The following CCND3 variants were observed in gnomAD, a reference collection of about 807,000 sequenced individuals.
CCND3 encodes the protein G1/S-specific cyclin-D3.
CCND3 carries 9 observed loss-of-function variants against 28.7 expected under a neutral mutation model. That is an observed-to-expected ratio of 0.31 (90% CI 0.19 to 0.55). The LOEUF (loss-of-function observed/expected upper bound fraction) is 0.55. Ranked by LOEUF, CCND3 falls within the 20% of genes least tolerant of loss-of-function variation. The probability of loss-of-function intolerance (pLI) is 0.93; values close to 1 mark genes in which losing one functional copy is unlikely to be tolerated. For missense variants in CCND3, 315 were observed against 385.8 expected, an observed-to-expected ratio of 0.82 and a Z score of 1.54; for synonymous variants, 164 against 163.9, an observed-to-expected ratio of 1.00 and a Z score of 0.00.
chr6:41,956,446 T>C (rs577967401), intron 1 of CCND3, among the ~76,000 whole-genome samples: 1 of 152,170 alleles, frequency 6.6e-6, no homozygotes, highest in Non-Finnish European at 1.5e-5. Flanking sequence ...GCCAGAACTT[T>C]CCTAGTACTA....
At chr6:42,014,477 C>T (rs1763441695) in intron 1 of CCND3, among the ~76,000 whole-genome samples, 2 of 152,186 alleles carry the variant, frequency 1.3e-5, no homozygotes, top group African/African-American at 4.8e-5. Flanking sequence ...ATCAGTAAAA[C>T]AAAACAAAAT....
chr6:41,936,150 T>C lies in CCND3; in HGVS notation c.712-43A>G. ...GAGTGAGGAGCAAACACTCCCCCCATAGCATCTGGCAGCAGGTGCAGGGGA... is the reference window on the plus strand; with the variant it reads ...GAGTGAGGAGCAAACACTCCCCCCACAGCATCTGGCAGCAGGTGCAGGGGA... On this transcript the variant is annotated intron_variant, in intron 4 of 4. Coordinates refer to ENST00000372991, the MANE Select transcript of CCND3 (RefSeq NM_001760.5). The surrounding 1 kb of genome is among the most constrained non-coding windows in gnomAD (Gnocchi z 4.4). The C allele has an allele frequency of 2.6e-6, 4 of 1,527,054 alleles. No homozygotes were observed. The highest frequency in any genetic ancestry group is 3.5e-6 in the Non-Finnish European group (4 of 1,136,416). The allele number at this position is 1,527,054 out of a possible 1,614,324, so 94.6% of individuals were successfully genotyped here.
chr6:41,993,327 T>G (rs1273720090), intron 1 of CCND3, among the ~76,000 whole-genome samples: 1 of 152,146 alleles, frequency 6.6e-6, no homozygotes, highest in African/African-American at 2.4e-5. Flanking sequence ...GATACCTCAT[T>G]GTGGTTTTAC....
chr6:41,946,974 C>G (rs1776186976), intron 1 of CCND3, among the ~76,000 whole-genome samples: 1 of 151,976 alleles, frequency 6.6e-6, no homozygotes, highest in Admixed American at 6.6e-5. Context: ...AATCCCAGCA[C>G]TTTGGGAGGC....
chr6:41,945,751 CCT>C (rs1354236096), upstream of CCND3, among the ~76,000 whole-genome samples: 1 of 152,300 alleles, frequency 6.6e-6, no homozygotes, highest in African/African-American at 2.4e-5. Context: ...ATTACTGGAA[CCT>C]CTCTGCTTCC....
At chr6:42,034,600 C>T (rs1764148102) in intron 1 of CCND3, among the ~76,000 whole-genome samples, 1 of 150,406 alleles carries the variant, frequency 6.6e-6, no homozygotes. Context: ...GCCTCAGCCT[C>T]CCGAGTAGCT....
chr6:41,986,721 T>G (rs541080732), intron 1 of CCND3, among the ~76,000 whole-genome samples: 1 of 152,178 alleles, frequency 6.6e-6, no homozygotes, highest in African/African-American at 2.4e-5. Flanking sequence ...GCAGAGACAA[T>G]GTTACTTCTT....
intron 1 of CCND3, among the ~76,000 whole-genome samples, chr6:42,037,908 G>A (rs1250796901): frequency 2.6e-5 from 4 of 151,676 alleles, no homozygotes; most frequent in East Asian, 3.9e-4. Flanking sequence ...GCACATGCCT[G>A]TAATCCCAGC....
chr6:41,950,241 A>G (rs531577706), intron 1 of CCND3, among the ~76,000 whole-genome samples: 1 of 152,178 alleles, frequency 6.6e-6, no homozygotes, highest in African/African-American at 2.4e-5. Flanking sequence ...AGGTGCACAC[A>G]GGGCCTCAGG....
At chr6:41,977,539 G>C (rs529070827) in intron 1 of CCND3, among the ~76,000 whole-genome samples, 1 of 152,170 alleles carries the variant, frequency 6.6e-6, no homozygotes, top group South Asian at 2.1e-4. Context: ...GCTAATTTTT[G>C]TATTTTTAGT....
At chr6:42,043,504 C>T (rs112099977) in intron 1 of CCND3, among the ~76,000 whole-genome samples, 10 of 152,158 alleles carry the variant, frequency 6.6e-5, no homozygotes, top group Admixed American at 3.9e-4. Flanking sequence ...GCACTCCAGC[C>T]GGGGCGACAG....
rs1036202670 is a variant in CCND3 at position 42,044,772 on chromosome 6, T to C, written c.-46+3729A>G. Among the ~76,000 whole-genome samples, 42 of 149,480 alleles carry C rather than the reference T, an allele frequency of 2.8e-4. No homozygotes were observed. In the East Asian group the frequency reaches 4.5e-3, roughly 16 times the overall value. ...TAACTTGGCTATCTTTTCTTTCTTT[T>C]CTTTCTTTCCTTTTATTTATTTATT... On this transcript the variant is annotated intron_variant, in intron 1 of 4. Coordinates refer to the CCND3 transcript ENST00000372988.
chr6:41,957,998 A>ATATT (rs751569360), intron 1 of CCND3, among the ~76,000 whole-genome samples: 2 of 26,234 alleles, frequency 7.6e-5, no homozygotes, highest in African/African-American at 9.8e-5. Context: ...CTTTATCTTT[A>ATATT]TCTTTTTTTT....
At position 41,987,669 on chromosome 6, in the gene CCND3, A is replaced by AT. The variant is rs200686799; in HGVS notation, c.-45-47085dup. On this transcript the variant is annotated intron_variant, in intron 1 of 4. Coordinates refer to the CCND3 transcript ENST00000372988. ...AGGTGTGTACCACCATACTCAGCTA[A>AT]TTTTTTTTTTTTAATAGAGAGGGGG... 6.9e-3 allele frequency among the ~76,000 whole-genome samples: 985 copies of AT among 143,430 alleles called. 14 individuals carry two copies. Among genetic ancestry groups the AT allele is most frequent in the Admixed American group, 0.03 (422 of 14,122 alleles). 94.1% of individuals were successfully genotyped at this position (143,430 alleles called of 152,430 possible).
intron 1 of CCND3, among the ~76,000 whole-genome samples, chr6:41,948,326 G>C (rs566762920): frequency 1.5e-5 from 2 of 137,172 alleles, no homozygotes; most frequent in Non-Finnish European, 3.1e-5. Flanking sequence ...TGTTCAGTAA[G>C]TTTTTTGTTT....
chr6:41,977,592 A>C (rs4591844), intron 1 of CCND3, among the ~76,000 whole-genome samples: 151,310 of 152,216 alleles, frequency 0.99, 75,213 homozygotes, highest in Middle Eastern at 1. Context: ...GTCTCAAACT[A>C]CTGACCTCAG....
Position 41,941,177 on chromosome 6 carries a change from G to C in CCND3, c.198+275C>G, listed in dbSNP as rs1398559591. The C allele has an allele frequency of 9.0e-6, 13 of 1,448,746 alleles. No individual in the cohort carries two copies. In the Admixed American group the frequency reaches 3.6e-4, roughly 41 times the overall value. 89.7% of individuals were successfully genotyped at this position (1,448,746 alleles called of 1,614,324 possible). A position where few individuals can be genotyped will look rare whatever the true frequency, so the allele number is the denominator to read the frequency against. On this transcript the variant is annotated intron_variant, in intron 1 of 4. Transcript: ENST00000372991. The surrounding 1 kb of genome is among the most constrained non-coding windows in gnomAD (Gnocchi z 6.1). ...GCGGGAGACGCTGTGAGAAGCCGAA[G>C]GGGAGAGAGTGTCCTTGGTCCCGTT...
At chr6:41,961,125 G>A (rs1761704275) in intron 1 of CCND3, among the ~76,000 whole-genome samples, 1 of 152,234 alleles carries the variant, frequency 6.6e-6, no homozygotes, top group African/African-American at 2.4e-5. Flanking sequence ...TCCATGAGAT[G>A]TGGGGACATC....
chr6:42,035,699 C>G (rs1211336246), intron 1 of CCND3, among the ~76,000 whole-genome samples: 1 of 128,738 alleles, frequency 7.8e-6, no homozygotes, highest in African/African-American at 2.9e-5. Flanking sequence ...TTTTTTTGAG[C>G]CGGAGTCTCA....
Sources: gnomAD v4.1 joint callset for allele counts (sites outside exome capture counted in the v4.1 genomes callset) on GRCh38, gnomAD v4.1.1 for gene constraint, Gnocchi (gnomAD v3.1) non-coding constraint, MANE v1.5 for transcripts, NCBI Gene and HGNC (gene_info 2026-07-23, HGNC 2026-07-21) for gene names.